The following KLF8 variants were observed in gnomAD, a reference collection of about 807,000 sequenced individuals.
The protein encoded by KLF8 is Krueppel-like factor 8.
In KLF8, 10 loss-of-function variants were observed where a neutral mutation model predicts 18.2. The ratio of observed to expected loss-of-function variants is 0.55; its 90% CI spans 0.34 to 0.93. The LOEUF (loss-of-function observed/expected upper bound fraction) is 0.93, where lower values mean the gene tolerates loss of function less well. Ranked by LOEUF, KLF8 falls within the 40% of genes least tolerant of loss-of-function variation. The pLI, the probability that KLF8 is intolerant of heterozygous loss-of-function variation, is 0.02. For missense variants in KLF8, 264 were observed against 277.9 expected, an observed-to-expected ratio of 0.95 and a Z score of 0.36; for synonymous variants, 109 against 97.3, an observed-to-expected ratio of 1.12 and a Z score of -0.71.
chrX:56,111,500 G>A, the KLF8 span, among the ~76,000 whole-genome samples: 4 of 112,166 alleles, frequency 3.6e-5, no homozygotes, highest in African/African-American at 1.3e-4. Flanking sequence ...AAACTAAAGA[G>A]CTTCTGCACA....
chrX:56,079,056 G>A, the KLF8 span, among the ~76,000 whole-genome samples: 1 of 111,002 alleles, frequency 9.0e-6, no homozygotes, highest in Non-Finnish European at 1.9e-5. Flanking sequence ...AGTCTTGCTA[G>A]CGGTCTATCA....
At position 56,269,096 on chromosome X, in the gene KLF8, C is replaced by G. The variant is rs1318016020; in HGVS notation, c.647-282C>G. On this transcript the variant is annotated intron_variant, in intron 3 of 5. Coordinates refer to ENST00000468660, the MANE Select transcript of KLF8 (RefSeq NM_007250.5). ...ATAGAAAGATGAATCATACCCAGACCACATCCTAGAGACACTCTCATTTGA... is the reference window on the plus strand; with the variant it reads ...ATAGAAAGATGAATCATACCCAGACGACATCCTAGAGACACTCTCATTTGA... 5 of 913,835 alleles carry G rather than the reference C, an allele frequency of 5.5e-6. No individual in the cohort carries two copies. In the African/African-American group the frequency reaches 1.1e-4, roughly 19 times the overall value. 75.3% of individuals were successfully genotyped at this position (913,835 alleles called of 1,213,427 possible). A position where few individuals can be genotyped will look rare whatever the true frequency, so the allele number is the denominator to read the frequency against.
At chrX:55,992,397 C>T in the KLF8 span, among the ~76,000 whole-genome samples, 1 of 112,055 alleles carries the variant, frequency 8.9e-6, no homozygotes, top group Non-Finnish European at 1.9e-5. Context: ...TTGTCAAGGT[C>T]AGATGACTGT....
chrX:56,204,121 A>G, the KLF8 span, among the ~76,000 whole-genome samples: 1 of 111,337 alleles, frequency 9.0e-6, no homozygotes, highest in Non-Finnish European at 1.9e-5. Context: ...TACAGTTTTT[A>G]TAATAGAGTT....
At chrX:55,959,317 G>A in the KLF8 span, among the ~76,000 whole-genome samples, 1 of 112,178 alleles carries the variant, frequency 8.9e-6, no homozygotes, top group Non-Finnish European at 1.9e-5. Flanking sequence ...CCACACAGAT[G>A]ATAGAGAACC....
rs946641723 is a variant in KLF8 at position 56,287,312 on chromosome X, G to C, written c.*2818G>C. The C allele has an allele frequency of 6.2e-5, 7 of 112,061 alleles. No individual in the cohort carries two copies. Among genetic ancestry groups the C allele is most frequent in the Admixed American group, 2.9e-4 (3 of 10,508 alleles). The allele number at this position is 112,061 out of a possible 1,213,427, so 9.2% of individuals were successfully genotyped here. On this transcript the variant is annotated 3_prime_UTR_variant, in exon 6 of 6. Transcript: ENST00000468660. ...ATTACTTACATATGCTCTAACAAGT[G>C]TCTCAGGATTCATTAACAGAATTTT...
At chrX:55,967,181 T>C in the KLF8 span, among the ~76,000 whole-genome samples, 1 of 111,260 alleles carries the variant, frequency 9.0e-6, no homozygotes, top group Non-Finnish European at 1.9e-5. Flanking sequence ...GTAGACAAGA[T>C]GTGGATAGAG....
the KLF8 span, among the ~76,000 whole-genome samples, chrX:56,208,075 G>A: frequency 9.0e-6 from 1 of 110,646 alleles, no homozygotes; most frequent in Non-Finnish European, 1.9e-5. Flanking sequence ...AACAGTATGG[G>A]GGAAACTGGC....
intron 2 of KLF8, among the ~76,000 whole-genome samples, chrX:56,257,208 T>A (rs73206582): frequency 0.059 from 6,608 of 111,103 alleles, 177 homozygotes; most frequent in South Asian, 0.11. Context: ...TTAAGGTGTG[T>A]TTTGTCACCT....
At chrX:55,959,845 A>G in the KLF8 span, among the ~76,000 whole-genome samples, 1 of 110,431 alleles carries the variant, frequency 9.1e-6, no homozygotes, top group East Asian at 2.8e-4. Flanking sequence ...AATTTTTTCC[A>G]ACTTCATTGG....
chrX:56,023,511 C>A, the KLF8 span, among the ~76,000 whole-genome samples: 4 of 111,462 alleles, frequency 3.6e-5, no homozygotes, highest in Non-Finnish European at 5.7e-5. Context: ...GAATTTTTGA[C>A]AAAATTGTTC....
the KLF8 span, among the ~76,000 whole-genome samples, chrX:55,965,612 A>G: frequency 8.9e-6 from 1 of 112,254 alleles, no homozygotes; most frequent in East Asian, 2.8e-4. Flanking sequence ...TTCACAGATG[A>G]TATAATTCTA....
the KLF8 span, among the ~76,000 whole-genome samples, chrX:56,041,193 C>T: frequency 8.2e-5 from 9 of 109,876 alleles, no homozygotes; most frequent in Non-Finnish European, 1.3e-4. Flanking sequence ...GGCATGATCT[C>T]GGCTCACTGC....
chrX:56,007,839 A>G, the KLF8 span, among the ~76,000 whole-genome samples: 3 of 111,517 alleles, frequency 2.7e-5, no homozygotes, highest in South Asian at 1.1e-3. Flanking sequence ...ATTCTTAGCT[A>G]AGGGATGCTG....
At chrX:56,138,845 G>T in the KLF8 span, among the ~76,000 whole-genome samples, 1 of 111,065 alleles carries the variant, frequency 9.0e-6, no homozygotes, top group South Asian at 3.8e-4. Context: ...AGAGAAAAAA[G>T]TGCATCCAAA....
the KLF8 span, among the ~76,000 whole-genome samples, chrX:56,110,849 C>T: frequency 9.0e-6 from 1 of 111,007 alleles, no homozygotes; most frequent in African/African-American, 3.3e-5. Flanking sequence ...TTATTGTAAA[C>T]AAAAAGGAAT....
At chrX:56,152,934 T>A in the KLF8 span, among the ~76,000 whole-genome samples, 1 of 111,796 alleles carries the variant, frequency 8.9e-6, no homozygotes, top group Admixed American at 9.6e-5. Flanking sequence ...AGCATAAGAA[T>A]CCAAATTCCT....
chrX:56,100,285 C>G, the KLF8 span, among the ~76,000 whole-genome samples: 1 of 111,455 alleles, frequency 9.0e-6, no homozygotes, highest in Admixed American at 9.6e-5. Context: ...AATTGAGACA[C>G]TGCTTAGAAT....
the KLF8 span, among the ~76,000 whole-genome samples, chrX:56,090,875 T>C: frequency 8.9e-6 from 1 of 111,828 alleles, no homozygotes; most frequent in Non-Finnish European, 1.9e-5. Flanking sequence ...GAATATATGG[T>C]ATTTCATTTT....
Sources: allele counts gnomAD v4.1 joint callset (sites outside exome capture counted in the v4.1 genomes callset), GRCh38; gene constraint gnomAD v4.1.1; transcripts MANE v1.5; gene names NCBI Gene and HGNC (gene_info 2026-07-23, HGNC 2026-07-21).